Variants in EVC2 observed in about 807,000 individuals in gnomAD.
EVC2 encodes the protein limbin.
A neutral mutation model predicts 149.3 loss-of-function variants in EVC2; 148 were observed. That is an observed-to-expected ratio of 0.99 (90% CI 0.87 to 1.14). The LOEUF is 1.14. Ranked by LOEUF, EVC2 falls within the 50% of genes most tolerant of loss-of-function variation. EVC2 has a pLI of 0.00. For synonymous variants in EVC2, 776 were observed against 649.9 expected (o/e 1.19, Z -2.95); for missense variants, 1,854 against 1,627.3 (o/e 1.14, Z -2.40).
chr4:5,541,017 A>T (rs554760888), downstream of EVC2, among the ~76,000 whole-genome samples: 4 of 152,286 alleles, frequency 2.6e-5, no homozygotes, highest in East Asian at 7.7e-4. Context: ...TTGCACACTC[A>T]TCCATGCTAA....
At chr4:5,687,055 G>A (rs1222747774) in intron 5 of EVC2, among the ~76,000 whole-genome samples, 1 of 152,080 alleles carries the variant, frequency 6.6e-6, no homozygotes, top group African/African-American at 2.4e-5. Context: ...TCAGGAGTTC[G>A]TGACCAGCCT....
intron 8 of EVC2, 78 bp downstream of exon 8, chr4:5,665,437 G>T: frequency 7.5e-6 from 12 of 1,604,380 alleles, no homozygotes; most frequent in Non-Finnish European, 1.0e-5. Flanking sequence ...GGGATCCAGG[G>T]CTGAGACCCA....
At chr4:5,560,492 T>C (rs763844920), downstream of EVC2, among the ~76,000 whole-genome samples, 3 of 151,990 alleles carry the variant, frequency 2.0e-5, no homozygotes, top group Admixed American at 6.6e-5. The surrounding 1 kb of genome is among the most constrained non-coding windows in gnomAD (Gnocchi z 4.1). Context: ...CAGATACTTA[T>C]AAAACATCAG....
rs1030836770 is a variant in EVC2 at position 5,670,787 on chromosome 4, TCAC to T, written c.871-5141_871-5139del. 6.6e-6 allele frequency among the ~76,000 whole-genome samples: 1 copy of T among 151,522 alleles called. No homozygotes were observed. The highest frequency in any genetic ancestry group is 2.4e-5 in the African/African-American group (1 of 41,176). On this transcript the variant is annotated intron_variant, in intron 7 of 21. Coordinates refer to ENST00000344408, the MANE Select transcript of EVC2 (RefSeq NM_147127.5). The surrounding 1 kb of genome is among the most constrained non-coding windows in gnomAD (Gnocchi z 5.2). ...ATCGCCATCAAATTCATTATCACCA[TCAC>T]CACCATGACCACCACCACCATTACC...
chr4:5,607,032 A>G (rs1714449221), intron 16 of EVC2, among the ~76,000 whole-genome samples: 2 of 152,236 alleles, frequency 1.3e-5, no homozygotes, highest in African/African-American at 4.8e-5. Flanking sequence ...TTATGCCAGC[A>G]TTGAATAATC....
intron 9 of EVC2, among the ~76,000 whole-genome samples, chr4:5,650,632 T>G (rs868479236): frequency 0.037 from 2,271 of 60,896 alleles, 39 homozygotes; most frequent in African/African-American, 0.081. Context: ...TATATATATA[T>G]ATATATAGAG....
intron 2 of EVC2, 137 bp from the exon 3 acceptor site, chr4:5,694,638 A>T (rs1470839219): frequency 5.6e-6 from 5 of 900,214 alleles, no homozygotes; most frequent in Non-Finnish European, 5.4e-6. Context: ...TAATGAAGGA[A>T]TGAATGATAT....
intron 10 of EVC2, among the ~76,000 whole-genome samples, chr4:5,639,600 T>C (rs1717164798): frequency 6.6e-6 from 1 of 152,210 alleles, no homozygotes; most frequent in Non-Finnish European, 1.5e-5. Flanking sequence ...AGTGCCTAAT[T>C]AAGGCCTTCA....
chr4:5,611,193 C>G (rs1258578833), intron 16 of EVC2, among the ~76,000 whole-genome samples: 1 of 152,166 alleles, frequency 6.6e-6, no homozygotes, highest in Non-Finnish European at 1.5e-5. Context: ...AGACACTGCA[C>G]AGAGGGCTGA....
At chr4:5,638,020 G>A (rs1357208765) in intron 10 of EVC2, among the ~76,000 whole-genome samples, 1 of 152,070 alleles carries the variant, frequency 6.6e-6, no homozygotes, top group Non-Finnish European at 1.5e-5. Flanking sequence ...TTGGGCTCAT[G>A]GGTCCTTGTT....
rs144763155 is a variant in EVC2 at position 5,664,577 on chromosome 4, G to A, written c.1005+938C>T. 3.9e-4 allele frequency among the ~76,000 whole-genome samples: 60 copies of A among 152,224 alleles called. No individual in the cohort carries two copies. In the East Asian group the frequency reaches 7.5e-3, roughly 19 times the overall value. On this transcript the variant is annotated intron_variant, in intron 8 of 21. Transcript: ENST00000344408. ...GACGTTTTTCTTCTCACTTTTGCCC[G>A]CCAAGGAGACTGTGGGCTGACCTCA...
chr4:5,587,205 TGAGAAC>T (rs1712366507), intron 16 of EVC2, among the ~76,000 whole-genome samples: 1 of 152,188 alleles, frequency 6.6e-6, no homozygotes, highest in South Asian at 2.1e-4. Flanking sequence ...CTATTTAGTC[TGAGAAC>T]ATTTTCACCA....
intron 2 of EVC2, among the ~76,000 whole-genome samples, chr4:5,695,627 C>T (rs1721428245): frequency 6.6e-6 from 1 of 152,154 alleles, no homozygotes; most frequent in Non-Finnish European, 1.5e-5. Flanking sequence ...TCTGAGCAGC[C>T]AATCAAATGC....
At chr4:5,678,548 A>T (rs1417570568) in intron 7 of EVC2, among the ~76,000 whole-genome samples, 1 of 152,170 alleles carries the variant, frequency 6.6e-6, no homozygotes, top group African/African-American at 2.4e-5. Context: ...TGTTCCTAGA[A>T]ATGCATTGTT....
chr4:5,686,743 C>T lies in EVC2; in HGVS notation c.707-1264G>A, dbSNP rs947367575. Among the ~76,000 whole-genome samples the T allele has an allele frequency of 3.3e-5, 5 of 151,960 alleles. No individual in the cohort carries two copies. Among genetic ancestry groups the T allele is most frequent in the Non-Finnish European group, 7.4e-5 (5 of 68,018 alleles). On this transcript the variant is annotated intron_variant, in intron 5 of 21. Transcript: ENST00000344408. This position sits in a 1 kb window ranked among gnomAD's most constrained non-coding sequence, Gnocchi z 5.4. ...GGTCAGAATGTCAATGAACTGGGACCTGACTGGTCATTTGATTTTATAGTT... is the reference window on the plus strand; with the variant it reads ...GGTCAGAATGTCAATGAACTGGGACTTGACTGGTCATTTGATTTTATAGTT...
rs1722490689 is a variant in EVC2, at chr4:5,569,089, GAAGA to G, written c.3361-453_3361-450del. Among the ~76,000 whole-genome samples the G allele has an allele frequency of 1.3e-5, 2 of 152,240 alleles. No homozygotes were observed. The highest frequency in any genetic ancestry group is 2.9e-5 in the Non-Finnish European group (2 of 68,044). On this transcript the variant is annotated intron_variant, in intron 19 of 21. Transcript: ENST00000344408. The surrounding 1 kb of genome is among the most constrained non-coding windows in gnomAD (Gnocchi z 4.8). ...GCCACAGGATACCACTCTGCAGTCA[GAAGA>G]AAGAACTGGAAGGATCCCAGGGGCA... is the stretch of plus-strand genomic sequence containing the variant.
intron 16 of EVC2, among the ~76,000 whole-genome samples, chr4:5,605,551 C>T (rs1714326578): frequency 6.6e-6 from 1 of 152,192 alleles, no homozygotes; most frequent in South Asian, 2.1e-4. Context: ...TATTTCCAAT[C>T]ATTGGTAAGT....
intron 9 of EVC2, among the ~76,000 whole-genome samples, chr4:5,656,138 C>T (rs1718504434): frequency 6.6e-6 from 1 of 152,166 alleles, no homozygotes; most frequent in Admixed American, 6.5e-5. Flanking sequence ...CCACAAACAG[C>T]CAGGAAGCAC....
At position 5,568,654 on chromosome 4, in the gene EVC2, C is replaced by G; in HGVS notation, c.3361-14G>C. 2.5e-6 allele frequency: 4 copies of G among 1,604,640 alleles called. No homozygotes were observed. In the South Asian group the frequency reaches 3.3e-5, roughly 13 times the overall value. ...CAGTCTCAGCTCCTACAGGAAACAACAGAGGGAGTTCAGACCCTCGCCGCC... is the reference window on the plus strand; with the variant it reads ...CAGTCTCAGCTCCTACAGGAAACAAGAGAGGGAGTTCAGACCCTCGCCGCC... On this transcript the variant is annotated splice_polypyrimidine_tract_variant and intron_variant, in intron 19 of 21. Transcript: ENST00000344408.
Sources: allele counts gnomAD v4.1 joint callset (sites outside exome capture counted in the v4.1 genomes callset), GRCh38; gene constraint gnomAD v4.1.1; non-coding constraint Gnocchi (gnomAD v3.1); transcripts MANE v1.5; gene names NCBI Gene and HGNC (gene_info 2026-07-23, HGNC 2026-07-21).